MIPEP: variants seen among roughly 807,000 people sequenced by gnomAD.
MIPEP encodes mitochondrial intermediate peptidase.
In MIPEP, 79 loss-of-function variants were observed where a neutral mutation model predicts 90.3. That is an observed-to-expected ratio of 0.87 (90% CI 0.73 to 1.05). MIPEP has a LOEUF of 1.05. Among genes scored for constraint, MIPEP ranks in the 50% least tolerant of loss-of-function variants. The probability of loss-of-function intolerance (pLI) is 0.00; values close to 1 mark genes in which losing one functional copy is unlikely to be tolerated. For synonymous variants in MIPEP, 334 were observed against 315.8 expected (o/e 1.06, Z -0.61); for missense variants, 940 against 905.6 (o/e 1.04, Z -0.49).
chr13:23,822,711 C>G (rs1326370077), intron 14 of MIPEP, among the ~76,000 whole-genome samples: 2 of 151,996 alleles, frequency 1.3e-5, no homozygotes, highest in Non-Finnish European at 2.9e-5. Flanking sequence ...ACATTTACAG[C>G]CAGAAAGGGA....
intron 1 of MIPEP, among the ~76,000 whole-genome samples, chr13:23,887,823 C>T (rs549571898): frequency 6.6e-6 from 1 of 152,248 alleles, no homozygotes; most frequent in African/African-American, 2.4e-5. Flanking sequence ...AATCTCTCTT[C>T]AAAATATATT....
chr13:23,871,366 G>A (rs1394023734), intron 5 of MIPEP, among the ~76,000 whole-genome samples: 1 of 152,062 alleles, frequency 6.6e-6, no homozygotes, highest in Non-Finnish European at 1.5e-5. Context: ...GGAGGAGAAG[G>A]GCTGAATTTT....
At chr13:23,864,440 T>TA (rs1469864414) in intron 7 of MIPEP, among the ~76,000 whole-genome samples, 3 of 151,994 alleles carry the variant, frequency 2.0e-5, no homozygotes, top group Non-Finnish European at 4.4e-5. Flanking sequence ...ATCCCAAAAT[T>TA]AAAAGAGTTA....
chr13:23,877,651 C>T (rs1302862066), intron 4 of MIPEP, among the ~76,000 whole-genome samples: 1 of 152,212 alleles, frequency 6.6e-6, no homozygotes, highest in African/African-American at 2.4e-5. Flanking sequence ...ATTTCAAGGA[C>T]TGAATCTAAG....
intron 14 of MIPEP, among the ~76,000 whole-genome samples, chr13:23,811,426 TTTATAGTTAA>T (rs1178731531): frequency 5.3e-5 from 8 of 152,164 alleles, no homozygotes; most frequent in Admixed American, 2.6e-4. Context: ...AAAAATTTGG[TTTATAGTTAA>T]ACTTTGAGGC....
At chr13:23,772,934 A>T (rs1233897889) in intron 16 of MIPEP, among the ~76,000 whole-genome samples, 2 of 152,198 alleles carry the variant, frequency 1.3e-5, no homozygotes, top group African/African-American at 2.4e-5. Context: ...TGTACACTTA[A>T]ATGGTTTTCA....
Position 23,879,248 on chromosome 13 carries a change from G to A in MIPEP, c.539+20C>T. On this transcript the variant is annotated intron_variant, in intron 4 of 18. Transcript: ENST00000382172. ...CTCTAGAGTCACAGTCACAATCAAGGCAAAGAAATGAGTGAGTACCTTGTT... is the reference window on the plus strand; with the variant it reads ...CTCTAGAGTCACAGTCACAATCAAGACAAAGAAATGAGTGAGTACCTTGTT... 3 of 1,483,756 alleles carry A rather than the reference G, an allele frequency of 2.0e-6. No individual in the cohort carries two copies. The highest frequency in any genetic ancestry group is 1.2e-5 in the South Asian group (1 of 86,776). 91.9% of individuals were successfully genotyped at this position (1,483,756 alleles called of 1,614,324 possible). A position where few individuals can be genotyped will look rare whatever the true frequency, so the allele number is the denominator to read the frequency against.
chr13:23,828,176 G>A (rs980663027), intron 14 of MIPEP, among the ~76,000 whole-genome samples: 1 of 152,188 alleles, frequency 6.6e-6, no homozygotes, highest in South Asian at 2.1e-4. Context: ...ACTGGAGATA[G>A]AAAGGAATTT....
chr13:23,762,973 A>T (rs999625959), intron 16 of MIPEP, among the ~76,000 whole-genome samples: 10 of 152,216 alleles, frequency 6.6e-5, no homozygotes, highest in African/African-American at 2.2e-4. Flanking sequence ...AGCATAGTGA[A>T]GGGCAGAGAA....
chr13:23,769,068 T>G (rs889975270), intron 16 of MIPEP, among the ~76,000 whole-genome samples: 1 of 152,136 alleles, frequency 6.6e-6, no homozygotes, highest in Non-Finnish European at 1.5e-5. Flanking sequence ...CAGTCAAAAC[T>G]CTTTAACATT....
chr13:23,768,401 C>T (rs997769544), intron 16 of MIPEP, among the ~76,000 whole-genome samples: 5 of 152,156 alleles, frequency 3.3e-5, no homozygotes, highest in Non-Finnish European at 5.9e-5. Flanking sequence ...CTTACACAAG[C>T]TATGTTAAGT....
intron 16 of MIPEP, among the ~76,000 whole-genome samples, chr13:23,793,922 G>A (rs1229453597): frequency 6.6e-6 from 1 of 152,100 alleles, no homozygotes; most frequent in African/African-American, 2.4e-5. Flanking sequence ...TTGCAAGTGG[G>A]CAAAGGACTC....
rs1221754443 is a variant in MIPEP, at chr13:23,815,867, A to C, written c.1654-5943T>G. ...TTCTCCACCTTAAGTAGAACTGGTT[A>C]TCAAACAATGAGTCAGTTTTTCATC... On this transcript the variant is annotated intron_variant, in intron 14 of 18. Transcript: ENST00000382172. 1.5e-3 allele frequency among the ~76,000 whole-genome samples: 226 copies of C among 152,350 alleles called. No individual in the cohort carries two copies. The Middle Eastern group carries it at 0.024, about 16-fold the overall frequency.
intron 14 of MIPEP, among the ~76,000 whole-genome samples, chr13:23,818,566 G>A (rs963486048): frequency 6.6e-6 from 1 of 152,214 alleles, no homozygotes; most frequent in Non-Finnish European, 1.5e-5. Flanking sequence ...CATATAGTCT[G>A]ATAATATTTA....
intron 18 of MIPEP, 84 bp downstream of exon 18, chr13:23,756,461 A>C: frequency 6.9e-7 from 1 of 1,455,428 alleles, no homozygotes; most frequent in South Asian, 1.1e-5. Flanking sequence ...CTGGCCTAAA[A>C]CATTTTCTTT....
intron 16 of MIPEP, among the ~76,000 whole-genome samples, chr13:23,802,439 G>A (rs753678942): frequency 9.2e-5 from 14 of 151,996 alleles, no homozygotes; most frequent in Non-Finnish European, 1.5e-4. Flanking sequence ...ATGGTGGCAG[G>A]TGCCTGTAAT....
intron 14 of MIPEP, among the ~76,000 whole-genome samples, chr13:23,830,679 T>C (rs1868696364): frequency 6.6e-6 from 1 of 152,352 alleles, no homozygotes; most frequent in East Asian, 1.9e-4. Context: ...TATTGTTTTT[T>C]CCTAGAATGA....
intron 18 of MIPEP, 28 bp downstream of exon 18, chr13:23,756,517 A>G: frequency 6.2e-7 from 1 of 1,604,128 alleles, no homozygotes; most frequent in Non-Finnish European, 8.5e-7. Flanking sequence ...CTTTCATTAT[A>G]GATGGTGCCA....
At chr13:23,877,296 C>T (rs1264931808) in intron 4 of MIPEP, among the ~76,000 whole-genome samples, 1 of 152,124 alleles carries the variant, frequency 6.6e-6, no homozygotes, top group Non-Finnish European at 1.5e-5. Flanking sequence ...TTCTCCATTT[C>T]GGTCGCTTGC....
Sources: allele counts gnomAD v4.1 joint callset (sites outside exome capture counted in the v4.1 genomes callset), GRCh38; gene constraint gnomAD v4.1.1; transcripts MANE v1.5; gene names NCBI Gene and HGNC (gene_info 2026-07-23, HGNC 2026-07-21).